SNX6: variants seen among roughly 807,000 people sequenced by gnomAD.
The protein encoded by SNX6 is sorting nexin-6.
Under a neutral mutation model 63.0 loss-of-function variants are expected in SNX6, and 34 were observed. The observed-to-expected ratio is 0.54, with a 90% CI of 0.41 to 0.72. SNX6 has a LOEUF of 0.72. SNX6 is among the 30% of genes least tolerant of loss of function. The pLI is 0.00. For missense variants in SNX6, 398 were observed against 471.4 expected, an observed-to-expected ratio of 0.84 and a Z score of 1.44; for synonymous variants, 170 against 164.2, an observed-to-expected ratio of 1.04 and a Z score of -0.27.
At chr14:34,593,824 C>T (rs1204228463) in intron 7 of SNX6, among the ~76,000 whole-genome samples, 5 of 151,952 alleles carry the variant, frequency 3.3e-5, no homozygotes, top group Non-Finnish European at 7.4e-5. Context: ...ATGATCCGCC[C>T]ACCTCGGCCT....
chr14:34,628,897 G>A (rs1004124417), intron 2 of SNX6, among the ~76,000 whole-genome samples: 1 of 152,000 alleles, frequency 6.6e-6, no homozygotes, highest in African/African-American at 2.4e-5. Flanking sequence ...TTGTACAAGG[G>A]ACTATAAAGA....
chr14:34,611,766 A>AG (rs1176873650), intron 2 of SNX6, among the ~76,000 whole-genome samples: 4 of 151,054 alleles, frequency 2.6e-5, no homozygotes, highest in Non-Finnish European at 5.9e-5. Flanking sequence ...AAAAAAAAAA[A>AG]AGAGAAATCT....
chr14:34,572,745 A>G (rs1446299572), intron 11 of SNX6, among the ~76,000 whole-genome samples: 1 of 151,744 alleles, frequency 6.6e-6, no homozygotes, highest in Non-Finnish European at 1.5e-5. Context: ...CCGTGGCGCG[A>G]TCTCGGCTCA....
At chr14:34,569,207 T>G (rs945118027) in intron 11 of SNX6, 35 of 659,702 alleles carry the variant, frequency 5.3e-5, no homozygotes, top group Non-Finnish European at 9.6e-5. Flanking sequence ...TGATAGTCCA[T>G]GTACCACATA....
rs766118441 is a variant in SNX6 at position 34,609,743 on chromosome 14, C to T, written c.55-1G>A. On this transcript the variant is annotated splice_acceptor_variant, in intron 2 of 13. Coordinates refer to ENST00000362031, the MANE Select transcript of SNX6 (RefSeq NM_152233.4). LOFTEE classifies it high-confidence loss of function. ...GAAGATCTACATTTATTGCTTTAAG[C>T]TAGAAAAAGAAAACCAGTATCTTCA... is the stretch of plus-strand genomic sequence containing the variant. 2 of 1,591,932 alleles carry T rather than the reference C, an allele frequency of 1.3e-6. No homozygotes were observed. Among genetic ancestry groups the T allele is most frequent in the Non-Finnish European group, 8.6e-7 (1 of 1,165,220 alleles).
Position 34,601,841 on chromosome 14 carries a change from C to T in SNX6, c.516+1507G>A, listed in dbSNP as rs559118494. On this transcript the variant is annotated intron_variant, in intron 6 of 13. Transcript: ENST00000362031. ...AACTCCTGACCTCAGGTGATCTGCC[C>T]GGCTTGGCCTCCCAAAGTGCTGGGA... Among the ~76,000 whole-genome samples the T allele has an allele frequency of 9.4e-4, 142 of 151,272 alleles. No individual in the cohort carries two copies. The Middle Eastern group carries it at 0.021, about 22-fold the overall frequency.
In SNX6 at chr14:34,567,678, A is replaced by G; in HGVS notation, c.1167+8T>C. The G allele has an allele frequency of 6.2e-7, 1 of 1,604,180 alleles. No homozygotes were observed. Among genetic ancestry groups the G allele is most frequent in the Non-Finnish European group, 8.5e-7 (1 of 1,171,574 alleles). ...ACTTAAATTATTAAATCTTTATTAC[A>G]ACACTACCTTTGCATGCTTCAGTTC... On this transcript the variant is annotated splice_region_variant and intron_variant, in intron 13 of 13. Coordinates refer to ENST00000362031, the MANE Select transcript of SNX6 (RefSeq NM_152233.4).
rs1392051195 is a variant in SNX6 at position 34,620,551 on chromosome 14, CTTG to C, written c.54+9353_54+9355del. 2.0e-5 allele frequency among the ~76,000 whole-genome samples: 3 copies of C among 152,158 alleles called. No homozygotes were observed. The East Asian group carries it at 5.8e-4, about 29-fold the overall frequency. ...CAAACCAATGATATTTTTCAGTCTTCTTGGCCTCTATGCAGTATTCTGCCTTGG... is the reference window on the plus strand; with the variant it reads ...CAAACCAATGATATTTTTCAGTCTTCGCCTCTATGCAGTATTCTGCCTTGG... On this transcript the variant is annotated intron_variant, in intron 2 of 13. Coordinates refer to ENST00000362031, the MANE Select transcript of SNX6 (RefSeq NM_152233.4).
At chr14:34,600,159 A>C (rs530532408) in intron 6 of SNX6, among the ~76,000 whole-genome samples, 4 of 152,158 alleles carry the variant, frequency 2.6e-5, no homozygotes, top group Non-Finnish European at 5.9e-5. Context: ...TTGAGACAGA[A>C]TATCACTCTG....
intron 2 of SNX6, among the ~76,000 whole-genome samples, chr14:34,614,522 T>C (rs1883350007): frequency 6.6e-6 from 1 of 151,994 alleles, no homozygotes; most frequent in Admixed American, 6.6e-5. Flanking sequence ...GCCCTTAAAA[T>C]CTGTAACCGA....
intron 10 of SNX6, 144 bp from the exon 11 acceptor site, chr14:34,575,986 C>T (rs1367660780): frequency 8.6e-6 from 3 of 350,124 alleles, no homozygotes; most frequent in African/African-American, 2.2e-5. Context: ...TGCAGTGGCG[C>T]TATCTTGGCT....
rs187244181 is a variant in SNX6, at chr14:34,607,344, G to A, written c.270+686C>T. Among the ~76,000 whole-genome samples the A allele has an allele frequency of 1.8e-4, 27 of 152,130 alleles. No homozygotes were observed. In the East Asian group the frequency reaches 5.1e-3, roughly 29 times the overall value. ...TATCAGGCTGAGTGTGGCAGCTCATGCCTGTAATCCCAGAACTTTGGGAGG... is the reference window on the plus strand; with the variant it reads ...TATCAGGCTGAGTGTGGCAGCTCATACCTGTAATCCCAGAACTTTGGGAGG... On this transcript the variant is annotated intron_variant, in intron 4 of 13. Transcript: ENST00000362031.
At chr14:34,566,804 A>G (rs1025595449) in intron 13 of SNX6, among the ~76,000 whole-genome samples, 6 of 152,132 alleles carry the variant, frequency 3.9e-5, no homozygotes, top group African/African-American at 1.2e-4. Flanking sequence ...GCATGGTGGC[A>G]TACACCTGTA....
rs1451798713 is a variant in SNX6, at chr14:34,603,572, CA to C, written c.393-102del. ...AATACTCTTTGGATTATTCCGAATG[CA>C]AATCAGAGATACAAAGATATAATTC... is the stretch of plus-strand genomic sequence containing the variant. On this transcript the variant is annotated intron_variant, in intron 5 of 13. Transcript: ENST00000362031. The C allele has an allele frequency of 2.7e-4, 260 of 950,680 alleles. 3 individuals carry two copies. The Middle Eastern group carries it at 4.1e-3, about 15-fold the overall frequency. 58.9% of individuals were successfully genotyped at this position (950,680 alleles called of 1,614,324 possible).
chr14:34,603,439 G>A lies in SNX6; in HGVS notation c.425C>T (p.Ala142Val), dbSNP rs754154841. ...ACGACACAGGAACACTTCATGCATC[G>A]CAACTGTCTTCTTGAATATTGCCAA... ...EYLAIFKKTVAMHEVFLCRVA... is the reference protein window; with the variant it reads ...EYLAIFKKTVVMHEVFLCRVA... Residue 142 changes from alanine (A) to valine (V), a missense_variant, in exon 6 of 14, where the codon GCG (alanine) becomes GTG (valine). By Grantham distance (64) the Ala-to-Val change is moderately conservative (BLOSUM62 0). Coordinates refer to ENST00000362031, the MANE Select transcript of SNX6 (RefSeq NM_152233.4). The A allele has an allele frequency of 1.7e-5, 28 of 1,600,152 alleles. No individual in the cohort carries two copies. Among genetic ancestry groups the A allele is most frequent in the Non-Finnish European group, 2.3e-5 (27 of 1,173,320 alleles).
intron 11 of SNX6, chr14:34,568,700 T>C (rs1213597292): frequency 2.2e-6 from 2 of 920,882 alleles, no homozygotes; most frequent in Non-Finnish European, 3.6e-6. Flanking sequence ...TAATGCTTCT[T>C]GTTGGCAACT....
chr14:34,621,912 G>T (rs1883633653), intron 2 of SNX6, among the ~76,000 whole-genome samples: 1 of 142,458 alleles, frequency 7.0e-6, no homozygotes, highest in Non-Finnish European at 1.5e-5. Context: ...CTCAATATTA[G>T]AATAATCTAC....
chr14:34,596,195 C>T (rs1882589355), intron 7 of SNX6, among the ~76,000 whole-genome samples: 2 of 147,250 alleles, frequency 1.4e-5, no homozygotes, highest in African/African-American at 2.5e-5. Flanking sequence ...CCAGCCTGGG[C>T]GAAAGAGTGA....
At chr14:34,564,972 C>T (rs116151103) in intron 13 of SNX6, among the ~76,000 whole-genome samples, 1,679 of 152,008 alleles carry the variant, frequency 0.011, 36 homozygotes, top group African/African-American at 0.038. Context: ...TACATAAAAG[C>T]AGCCACAAGC....
Sources: allele counts gnomAD v4.1 joint callset (sites outside exome capture counted in the v4.1 genomes callset), GRCh38; gene constraint gnomAD v4.1.1; transcripts MANE v1.5; gene names NCBI Gene and HGNC (gene_info 2026-07-23, HGNC 2026-07-21).